The following NKAIN2 variants were observed in gnomAD, a reference collection of about 807,000 sequenced individuals.
NKAIN2 encodes sodium/potassium transporting ATPase interacting 2.
A neutral mutation model predicts 32.6 loss-of-function variants in NKAIN2; 14 were observed. That is an observed-to-expected ratio of 0.43 (90% CI 0.28 to 0.67). NKAIN2 has a LOEUF of 0.67. Ranked by LOEUF, NKAIN2 falls within the 30% of genes least tolerant of loss-of-function variation. The pLI is 0.17. For missense variants in NKAIN2, 198 were observed against 258.3 expected, an observed-to-expected ratio of 0.77 and a Z score of 1.60; for synonymous variants, 80 against 87.2, an observed-to-expected ratio of 0.92 and a Z score of 0.46.
chr6:124,014,534 T>G (rs1328583372), intron 1 of NKAIN2, among the ~76,000 whole-genome samples: 8 of 152,214 alleles, frequency 5.3e-5, no homozygotes, highest in Non-Finnish European at 1.0e-4. Flanking sequence ...CTCAATATAT[T>G]ATGGTATTAT....
At chr6:124,519,729 A>G (rs2114793455) in intron 3 of NKAIN2, among the ~76,000 whole-genome samples, 1 of 152,336 alleles carries the variant, frequency 6.6e-6, no homozygotes, top group East Asian at 1.9e-4. Flanking sequence ...TGGAATGTTT[A>G]AGAATTTTAA....
intron 2 of NKAIN2, among the ~76,000 whole-genome samples, chr6:124,351,631 G>A (rs9375325): frequency 0.38 from 57,151 of 151,296 alleles, 11,291 homozygotes; most frequent in African/African-American, 0.49. Context: ...TTATTCATTC[G>A]TTTATTTTGA....
chr6:124,769,336 A>C lies in NKAIN2; in HGVS notation c.475-22003A>C, dbSNP rs75600930. 5.2e-4 allele frequency among the ~76,000 whole-genome samples: 79 copies of C among 152,310 alleles called. 1 individual carries two copies. In the East Asian group the frequency reaches 0.013, roughly 25 times the overall value. Reference sequence around the variant, plus strand: ...TCCCCAAAGACAAAGCAAGGGAAGCAATGTTTTGAATGTTTAGTACTAAAA... The same window carrying C: ...TCCCCAAAGACAAAGCAAGGGAAGCCATGTTTTGAATGTTTAGTACTAAAA... On this transcript the variant is annotated intron_variant, in intron 4 of 6. Coordinates refer to ENST00000368417, the MANE Select transcript of NKAIN2 (RefSeq NM_001040214.3).
chr6:124,201,164 T>C (rs1034960247), intron 1 of NKAIN2, among the ~76,000 whole-genome samples: 2 of 152,078 alleles, frequency 1.3e-5, no homozygotes, highest in African/African-American at 4.8e-5. Context: ...ATATTTGTTC[T>C]GGATCATTTT....
At chr6:123,935,105 A>G (rs1444042462) in intron 1 of NKAIN2, among the ~76,000 whole-genome samples, 1 of 147,572 alleles carries the variant, frequency 6.8e-6, no homozygotes, top group Non-Finnish European at 1.5e-5. Flanking sequence ...TATTTCATAT[A>G]TATATTGAAA....
chr6:124,752,162 C>T (rs1777751673), intron 4 of NKAIN2, among the ~76,000 whole-genome samples: 2 of 151,694 alleles, frequency 1.3e-5, no homozygotes, highest in African/African-American at 2.4e-5. Flanking sequence ...CATCATGGCC[C>T]GTGCTATCCC....
chr6:124,672,855 A>G (rs1473761810), intron 4 of NKAIN2, among the ~76,000 whole-genome samples: 2 of 151,982 alleles, frequency 1.3e-5, no homozygotes, highest in African/African-American at 2.4e-5. Flanking sequence ...AGGCATAACT[A>G]CTCTCTAACT....
intron 1 of NKAIN2, among the ~76,000 whole-genome samples, chr6:124,076,995 CTA>C (rs150695637): frequency 0.017 from 2,550 of 152,278 alleles, 41 homozygotes; most frequent in African/African-American, 0.038. Context: ...CACTTTATAA[CTA>C]TTTTTTAGAT....
chr6:124,528,029 G>T (rs1290305890), intron 3 of NKAIN2, among the ~76,000 whole-genome samples: 2 of 152,310 alleles, frequency 1.3e-5, no homozygotes, highest in East Asian at 3.9e-4. Context: ...ATACAAAGGA[G>T]TTGAAACTCT....
At chr6:124,686,829 T>C (rs973482774) in intron 4 of NKAIN2, among the ~76,000 whole-genome samples, 5 of 152,154 alleles carry the variant, frequency 3.3e-5, no homozygotes, top group Admixed American at 6.6e-5. Context: ...TCTGTGAGGG[T>C]GATGCCAAAG....
intron 2 of NKAIN2, among the ~76,000 whole-genome samples, chr6:124,300,383 G>A (rs1489430088): frequency 1.3e-5 from 2 of 152,140 alleles, no homozygotes; most frequent in African/African-American, 4.8e-5. Context: ...CAGCCATGTG[G>A]AACTGTGAGT....
chr6:124,682,257 GAA>G (rs1773659059), intron 4 of NKAIN2, among the ~76,000 whole-genome samples: 1 of 151,930 alleles, frequency 6.6e-6, no homozygotes, highest in African/African-American at 2.4e-5. Context: ...TATGATCAGA[GAA>G]CTACCAAATT....
chr6:124,334,469 T>C (rs758814832), intron 2 of NKAIN2, among the ~76,000 whole-genome samples: 54 of 152,010 alleles, frequency 3.6e-4, no homozygotes, highest in Non-Finnish European at 7.1e-4. Flanking sequence ...AGAAAGATAA[T>C]TTGGTGGGTA....
At chr6:124,785,337 G>T (rs564450100) in intron 4 of NKAIN2, among the ~76,000 whole-genome samples, 3 of 152,080 alleles carry the variant, frequency 2.0e-5, no homozygotes, top group South Asian at 4.1e-4. Flanking sequence ...GCATTTTTGC[G>T]ATGTCTACTC....
At chr6:124,350,858 A>G (rs1474318604) in intron 2 of NKAIN2, among the ~76,000 whole-genome samples, 1 of 152,220 alleles carries the variant, frequency 6.6e-6, no homozygotes, top group Admixed American at 6.5e-5. Flanking sequence ...GCATGGTGGC[A>G]CATGCCTGTA....
At chr6:123,818,837 C>T (rs1395559138) in intron 1 of NKAIN2, among the ~76,000 whole-genome samples, 1 of 152,050 alleles carries the variant, frequency 6.6e-6, no homozygotes, top group East Asian at 1.9e-4. Flanking sequence ...AAGAACCAGA[C>T]AAAATAGCAG....
intron 1 of NKAIN2, among the ~76,000 whole-genome samples, chr6:123,932,469 TG>T (rs1223858667): frequency 1.4e-5 from 2 of 145,392 alleles, no homozygotes; most frequent in Non-Finnish European, 3.0e-5. Context: ...CAGGCTGGAG[TG>T]CAGTGGTGCA....
chr6:124,506,262 G>A (rs2114760857), intron 3 of NKAIN2, among the ~76,000 whole-genome samples: 1 of 152,292 alleles, frequency 6.6e-6, no homozygotes, highest in Middle Eastern at 3.4e-3. Context: ...GATATGGAAG[G>A]TGTTGAATTC....
intron 1 of NKAIN2, among the ~76,000 whole-genome samples, chr6:123,900,583 A>G (rs1023207859): frequency 1.1e-5 from 1 of 88,900 alleles, no homozygotes; most frequent in Non-Finnish European, 2.2e-5. Flanking sequence ...GACTTCAGAC[A>G]AACATTAGTG....
Sources: gnomAD v4.1 joint callset for allele counts (sites outside exome capture counted in the v4.1 genomes callset) on GRCh38, gnomAD v4.1.1 for gene constraint, MANE v1.5 for transcripts, NCBI Gene and HGNC (gene_info 2026-07-23, HGNC 2026-07-21) for gene names.